Variants in MCTP1 observed in about 807,000 individuals in gnomAD.
MCTP1 encodes multiple C2 and transmembrane domain containing 1.
In MCTP1, 69 loss-of-function variants were observed where a neutral mutation model predicts 120.6. The ratio of observed to expected loss-of-function variants is 0.57; its 90% CI spans 0.47 to 0.70. The LOEUF (loss-of-function observed/expected upper bound fraction) is 0.70, where lower values mean the gene tolerates loss of function less well. Among genes scored for constraint, MCTP1 ranks in the 30% least tolerant of loss-of-function variants. The pLI is 0.00. For missense variants in MCTP1, 1,203 were observed against 1,248.8 expected, an observed-to-expected ratio of 0.96 and a Z score of 0.55; for synonymous variants, 529 against 493.1, an observed-to-expected ratio of 1.07 and a Z score of -0.96.
intron 1 of MCTP1, among the ~76,000 whole-genome samples, chr5:95,205,058 A>T (rs150815394): frequency 1.3e-5 from 2 of 152,284 alleles, no homozygotes; most frequent in Non-Finnish European, 2.9e-5. Flanking sequence ...ACAAAATTGA[A>T]GTACTCACAC....
intron 17 of MCTP1, among the ~76,000 whole-genome samples, chr5:94,845,164 A>G (rs1234015089): frequency 6.6e-6 from 1 of 152,198 alleles, no homozygotes. Context: ...TCATACTGCT[A>G]TGAAGATATA....
chr5:95,247,068 A>T (rs1317519477), intron 1 of MCTP1, among the ~76,000 whole-genome samples: 1 of 151,920 alleles, frequency 6.6e-6, no homozygotes, highest in East Asian at 1.9e-4. Context: ...TCAATTTCAG[A>T]TCTGTTATTG....
chr5:95,129,201 C>T lies in MCTP1; in HGVS notation c.721-111717G>A, dbSNP rs1420498486. 2.6e-5 allele frequency among the ~76,000 whole-genome samples: 4 copies of T among 152,206 alleles called. 1 individual carries two copies. In the South Asian group the frequency reaches 8.3e-4, roughly 32 times the overall value. ...TGAATACTAGCTCAAGAACATCTCA[C>T]AGAAGAGGGATAGCACTGGGGGCAA... On this transcript the variant is annotated intron_variant, in intron 1 of 22. Coordinates refer to ENST00000515393, the MANE Select transcript of MCTP1 (RefSeq NM_024717.7).
chr5:95,057,226 A>G (rs914799028), intron 1 of MCTP1, among the ~76,000 whole-genome samples: 2 of 152,182 alleles, frequency 1.3e-5, no homozygotes, highest in Non-Finnish European at 2.9e-5. Flanking sequence ...TATTAACATA[A>G]CTACCATCCA....
chr5:94,914,457 G>C (rs1173229464), intron 8 of MCTP1, among the ~76,000 whole-genome samples: 1 of 152,140 alleles, frequency 6.6e-6, no homozygotes, highest in African/African-American at 2.4e-5. Context: ...GCTTCTATTA[G>C]GAAAATGAAA....
At chr5:95,248,981 C>A (rs1404940102) in intron 1 of MCTP1, among the ~76,000 whole-genome samples, 1 of 152,056 alleles carries the variant, frequency 6.6e-6, no homozygotes, top group African/African-American at 2.4e-5. Flanking sequence ...GAAACTGGAC[C>A]CCTTCCTTAC....
rs1672788466 is a variant in MCTP1, at chr5:94,775,083, T to C, written c.2610+4027A>G. ...GAATCTGTTTACTTTGAACTAACTC[T>C]AGATATGTTTCATTTGTTACATCTA... On this transcript the variant is annotated intron_variant, in intron 19 of 22. Transcript: ENST00000515393. Among the ~76,000 whole-genome samples the C allele has an allele frequency of 2.0e-5, 3 of 152,242 alleles. No homozygotes were observed. The South Asian group carries it at 6.2e-4, about 31-fold the overall frequency.
chr5:95,104,237 T>A (rs1353022096), intron 1 of MCTP1, among the ~76,000 whole-genome samples: 1 of 152,216 alleles, frequency 6.6e-6, no homozygotes, highest in Non-Finnish European at 1.5e-5. Context: ...GGACCTGAAC[T>A]TAAAATAGCT....
intron 1 of MCTP1, among the ~76,000 whole-genome samples, chr5:95,175,281 T>A (rs906697259): frequency 1.3e-5 from 2 of 152,226 alleles, no homozygotes; most frequent in Admixed American, 1.3e-4. Flanking sequence ...TATTGTCAGA[T>A]GAGTTTTCAA....
chr5:95,164,231 GA>G (rs371814429), intron 1 of MCTP1, among the ~76,000 whole-genome samples: 43 of 152,018 alleles, frequency 2.8e-4, no homozygotes, highest in African/African-American at 1.0e-3. Flanking sequence ...CCTTAGTTAA[GA>G]AAATGATGTA....
intron 1 of MCTP1, among the ~76,000 whole-genome samples, chr5:95,174,915 A>G (rs1003620989): frequency 5.9e-5 from 9 of 152,192 alleles, no homozygotes; most frequent in African/African-American, 1.9e-4. Flanking sequence ...AATGTTAGCC[A>G]TACTTTTTGT....
At chr5:94,776,042 A>T (rs1006815088) in intron 19 of MCTP1, among the ~76,000 whole-genome samples, 4 of 150,838 alleles carry the variant, frequency 2.7e-5, no homozygotes, top group African/African-American at 7.3e-5. Context: ...ATCATGATTT[A>T]GCTTTTACCA....
At chr5:94,795,697 A>G (rs1247201024) in intron 18 of MCTP1, among the ~76,000 whole-genome samples, 1 of 152,240 alleles carries the variant, frequency 6.6e-6, no homozygotes, top group Non-Finnish European at 1.5e-5. Flanking sequence ...TCATGGTCCC[A>G]GTCTAGGTAT....
At chr5:94,814,461 T>C (rs1784083171) in intron 17 of MCTP1, among the ~76,000 whole-genome samples, 1 of 152,182 alleles carries the variant, frequency 6.6e-6, no homozygotes, top group Non-Finnish European at 1.5e-5. Context: ...AAAGCCACTA[T>C]AAAATAGCTA....
intron 1 of MCTP1, among the ~76,000 whole-genome samples, chr5:95,237,421 ACT>A: frequency 6.6e-6 from 1 of 152,170 alleles, no homozygotes; most frequent in East Asian, 1.9e-4. Context: ...GTGGGTTGGA[ACT>A]CTGGTAAGAC....
At chr5:94,843,670 T>C (rs920669197) in intron 17 of MCTP1, among the ~76,000 whole-genome samples, 5 of 152,050 alleles carry the variant, frequency 3.3e-5, no homozygotes, top group African/African-American at 1.2e-4. Context: ...AATTTTAGAG[T>C]GGTTTATGTA....
intron 1 of MCTP1, among the ~76,000 whole-genome samples, chr5:95,131,925 A>T (rs1759076945): frequency 6.6e-6 from 1 of 152,222 alleles, no homozygotes; most frequent in Non-Finnish European, 1.5e-5. Context: ...GGCTTATTCC[A>T]ATTATGCTAT....
At chr5:95,080,282 T>C (rs1754600633) in intron 1 of MCTP1, among the ~76,000 whole-genome samples, 1 of 152,196 alleles carries the variant, frequency 6.6e-6, no homozygotes, top group Admixed American at 6.5e-5. Flanking sequence ...TGTTACATTT[T>C]GATAATCATT....
intron 1 of MCTP1, among the ~76,000 whole-genome samples, chr5:95,176,603 T>A (rs1397953838): frequency 6.6e-6 from 1 of 152,164 alleles, no homozygotes; most frequent in Non-Finnish European, 1.5e-5. Context: ...ATATACATAC[T>A]TTGGGAGGCC....
Sources: allele counts gnomAD v4.1 joint callset (sites outside exome capture counted in the v4.1 genomes callset), GRCh38; gene constraint gnomAD v4.1.1; transcripts MANE v1.5; gene names NCBI Gene and HGNC (gene_info 2026-07-23, HGNC 2026-07-21).